Variants in C12orf42 observed in about 807,000 individuals in gnomAD.
The protein encoded by C12orf42 is uncharacterized protein C12orf42.
Under a neutral mutation model 21.6 loss-of-function variants are expected in C12orf42, and 25 were observed. That is an observed-to-expected ratio of 1.16 (90% CI 0.84 to 1.62). The LOEUF is 1.62. C12orf42 is among the 40% of genes most tolerant of loss of function. The pLI, the probability that C12orf42 is intolerant of heterozygous loss-of-function variation, is 0.00. For missense variants in C12orf42, 483 were observed against 459.3 expected (o/e 1.05, Z -0.47); for synonymous variants, 174 against 175.0 (o/e 0.99, Z 0.05).
At chr12:103,325,991 CAAT>C (rs2040656532) in intron 4 of C12orf42, among the ~76,000 whole-genome samples, 1 of 152,082 alleles carries the variant, frequency 6.6e-6, no homozygotes, top group African/African-American at 2.4e-5. Context: ...ACATTGTGCT[CAAT>C]AATAATATTT....
chr12:103,109,064 C>T, the C12orf42 span, among the ~76,000 whole-genome samples: 1 of 152,090 alleles, frequency 6.6e-6, no homozygotes, highest in Non-Finnish European at 1.5e-5. Flanking sequence ...CACAACCTTA[C>T]AGAGTTTTTC....
chr12:103,088,632 C>T, the C12orf42 span, among the ~76,000 whole-genome samples: 127 of 152,314 alleles, frequency 8.3e-4, 1 homozygote, highest in South Asian at 1.2e-3. Flanking sequence ...CTCCTATATG[C>T]AATGGAGCTG....
At chr12:103,505,721 G>C in the C12orf42 span, 1 of 209,464 alleles carries the variant, frequency 4.8e-6, no homozygotes, top group Non-Finnish European at 9.4e-6. Context: ...TGACCAGCAG[G>C]GGTGCAGGGG....
chr12:103,238,716 G>C (rs1038667550), intron 10 of C12orf42, among the ~76,000 whole-genome samples: 1 of 152,168 alleles, frequency 6.6e-6, no homozygotes, highest in African/African-American at 2.4e-5. Flanking sequence ...GGGAATGAAG[G>C]CCCTATGAGT....
At chr12:103,486,749 G>C (rs1469848118) in intron 1 of C12orf42, among the ~76,000 whole-genome samples, 1 of 152,180 alleles carries the variant, frequency 6.6e-6, no homozygotes, top group Non-Finnish European at 1.5e-5. Context: ...TATTTGTGTA[G>C]AGGTGTTTAC....
At chr12:103,226,559 G>T in the C12orf42 span, among the ~76,000 whole-genome samples, 81,647 of 151,884 alleles carry the variant, frequency 0.54, 22,182 homozygotes, top group East Asian at 0.59. Flanking sequence ...TGACTATGCC[G>T]TTAGCTCCAG....
At chr12:103,171,493 T>C in the C12orf42 span, among the ~76,000 whole-genome samples, 1 of 152,148 alleles carries the variant, frequency 6.6e-6, no homozygotes. Context: ...AAGGAGTATT[T>C]TGTAACTCTC....
chr12:103,412,460 G>A (rs2048931881), intron 2 of C12orf42, among the ~76,000 whole-genome samples: 1 of 152,228 alleles, frequency 6.6e-6, no homozygotes, highest in African/African-American at 2.4e-5. Flanking sequence ...CCTGGGGTCA[G>A]GAGTTCGAGA....
At chr12:103,281,935 G>GAAAGAAAGAAA (rs1653061195) in intron 4 of C12orf42, among the ~76,000 whole-genome samples, 2 of 151,116 alleles carry the variant, frequency 1.3e-5, no homozygotes, top group South Asian at 2.1e-4. Flanking sequence ...AAGAAAGAAA[G>GAAAGAAAGAAA]AAAGAAAGAA....
chr12:103,420,623 T>G (rs1031191014), intron 2 of C12orf42, among the ~76,000 whole-genome samples: 1 of 152,080 alleles, frequency 6.6e-6, no homozygotes, highest in African/African-American at 2.4e-5. Context: ...TCCGCCTCCC[T>G]GGTTCATGTG....
chr12:103,224,532 C>G, the C12orf42 span, among the ~76,000 whole-genome samples: 2 of 152,042 alleles, frequency 1.3e-5, no homozygotes, highest in Non-Finnish European at 2.9e-5. Context: ...TCATGGGGGT[C>G]AGGTGTGGTA....
At chr12:103,313,906 T>C (rs567793532) in intron 4 of C12orf42, among the ~76,000 whole-genome samples, 10 of 152,348 alleles carry the variant, frequency 6.6e-5, no homozygotes, top group African/African-American at 2.2e-4. Flanking sequence ...AAGGCAAATG[T>C]ATGCCCTCAT....
At chr12:103,561,555 A>C in the C12orf42 span, among the ~76,000 whole-genome samples, 1 of 152,172 alleles carries the variant, frequency 6.6e-6, no homozygotes, top group African/African-American at 2.4e-5. Context: ...CTTCGCCCTC[A>C]TGACCTAATC....
At chr12:103,264,379 C>T (rs1282684480), downstream of C12orf42, among the ~76,000 whole-genome samples, 1 of 152,092 alleles carries the variant, frequency 6.6e-6, no homozygotes, top group East Asian at 1.9e-4. Flanking sequence ...GAGTGGGCTG[C>T]TCATTTGACT....
chr12:103,181,098 C>A, the C12orf42 span, among the ~76,000 whole-genome samples: 1 of 151,572 alleles, frequency 6.6e-6, no homozygotes, highest in Non-Finnish European at 1.5e-5. Context: ...CCCGTCTCTA[C>A]TAAAAATACA....
intron 4 of C12orf42, among the ~76,000 whole-genome samples, chr12:103,361,706 A>T (rs2044126176): frequency 6.6e-6 from 1 of 151,976 alleles, no homozygotes. Context: ...GTTGCATGGG[A>T]GCTGGGTGAG....
At position 103,302,304 on chromosome 12, in the gene C12orf42, C is replaced by T. The variant is rs748895334; in HGVS notation, c.887G>A (p.Arg296Lys). 1.2e-5 allele frequency: 19 copies of T among 1,613,760 alleles called. No homozygotes were observed. The highest frequency in any genetic ancestry group is 1.6e-5 in the Non-Finnish European group (19 of 1,179,870). Residue 296 changes from arginine (R) to lysine (K), a missense_variant, in exon 6 of 6, where the codon AGG becomes AAG. By Grantham distance (26) the Arg-to-Lys change is conservative. Coordinates refer to ENST00000548883, the MANE Select transcript of C12orf42 (RefSeq NM_198521.5). Reference sequence around the variant, plus strand: ...ATGGAGGGAGGTGTCCGCCTGAGGCCTCCTGTCCCGCGGGGTATGAGGATG... The same window carrying T: ...ATGGAGGGAGGTGTCCGCCTGAGGCTTCCTGTCCCGCGGGGTATGAGGATG... ...PKHPHTPRDR[R>K]PQADTSLHGN...
chr12:103,081,319 G>A, the C12orf42 span: 7 of 152,216 alleles, frequency 4.6e-5, no homozygotes, highest in Middle Eastern at 3.4e-3. Context: ...TAATCTTCTC[G>A]AAAATCGCTC....
the C12orf42 span, among the ~76,000 whole-genome samples, chr12:103,205,870 A>AACAT: frequency 6.6e-6 from 1 of 152,200 alleles, no homozygotes; most frequent in East Asian, 1.9e-4. Flanking sequence ...AGATGTTTAA[A>AACAT]ACATACATAA....
Sources: gnomAD v4.1 joint callset for allele counts (sites outside exome capture counted in the v4.1 genomes callset) on GRCh38, gnomAD v4.1.1 for gene constraint, MANE v1.5 for transcripts, NCBI Gene and HGNC (gene_info 2026-07-23, HGNC 2026-07-21) for gene names.